NDOR1: variants seen among roughly 807,000 people sequenced by gnomAD.
The protein encoded by NDOR1 is NADPH-dependent diflavin oxidoreductase 1.
NDOR1 carries 61 observed loss-of-function variants against 67.2 expected under a neutral mutation model. That is an observed-to-expected ratio of 0.91 (90% CI 0.74 to 1.12). NDOR1 has a LOEUF of 1.12. Ranked by LOEUF, NDOR1 falls within the 50% of genes most tolerant of loss-of-function variation. The pLI is 0.00. For synonymous variants in NDOR1, 378 were observed against 343.7 expected (o/e 1.10, Z -1.10); for missense variants, 878 against 802.8 (o/e 1.09, Z -1.13).
Position 137,218,040 on chromosome 9 carries a change from G to A in NDOR1, c.*1624G>A. The A allele has an allele frequency of 2.5e-6, 1 of 399,504 alleles. No individual in the cohort carries two copies. Among genetic ancestry groups the A allele is most frequent in the African/African-American group, 2.1e-5 (1 of 48,762 alleles). The allele number at this position is 399,504 out of a possible 1,614,324, so 24.7% of individuals were successfully genotyped here. A position where few individuals can be genotyped will look rare whatever the true frequency, so the allele number is the denominator to read the frequency against. ...CTTCCAACCTGGAAGGAGGAGGGGA[G>A]AGAGCAGGCAGCAGGGCAGGGGGAA... On this transcript the variant is annotated 3_prime_UTR_variant, in exon 14 of 14. Coordinates refer to ENST00000684003, the MANE Select transcript of NDOR1 (RefSeq NM_014434.4).
intron 1 of NDOR1, 69 bp downstream of exon 1, chr9:137,205,981 G>T: frequency 6.7e-7 from 1 of 1,495,120 alleles, no homozygotes; most frequent in Non-Finnish European, 8.9e-7. Context: ...CGGGGTCATC[G>T]ACCCAAAAGG....
At position 137,212,321 on chromosome 9, in the gene NDOR1, C is replaced by T. The variant is rs1157749841; in HGVS notation, c.214-181C>T. The stretch of plus-strand genomic sequence containing the variant: ...CTAGACGCTGGACCAGCCCTGCCTC[C>T]TCCCGGTGCCCATCATCCTGCAGGC... On this transcript the variant is annotated intron_variant, in intron 2 of 13. Coordinates refer to ENST00000684003, the MANE Select transcript of NDOR1 (RefSeq NM_014434.4). This position sits in a 1 kb window ranked among gnomAD's most constrained non-coding sequence, Gnocchi z 4.3. 1.3e-5 allele frequency among the ~76,000 whole-genome samples: 2 copies of T among 152,158 alleles called. No individual in the cohort carries two copies. The highest frequency in any genetic ancestry group is 1.3e-4 in the Admixed American group (2 of 15,290).
chr9:137,213,341 C>T (rs1835353890), intron 3 of NDOR1, among the ~76,000 whole-genome samples: 1 of 152,188 alleles, frequency 6.6e-6, no homozygotes, highest in African/African-American at 2.4e-5. Flanking sequence ...GCCAGTCATG[C>T]CTCGGAACCA....
chr9:137,206,687 C>A (rs1455824058), intron 2 of NDOR1, among the ~76,000 whole-genome samples: 1 of 152,092 alleles, frequency 6.6e-6, no homozygotes, highest in Non-Finnish European at 1.5e-5. Context: ...CAGCTGTGAA[C>A]CCAGCAGCCA....
At chr9:137,209,248 T>C (rs1246168159) in intron 2 of NDOR1, among the ~76,000 whole-genome samples, 1 of 151,946 alleles carries the variant, frequency 6.6e-6, no homozygotes, top group Non-Finnish European at 1.5e-5. Flanking sequence ...TGAGTAGGTA[T>C]GGCAGGGGAT....
At position 137,213,645 on chromosome 9, in the gene NDOR1, G is replaced by A. The variant is rs915348083; in HGVS notation, c.312-135G>A. 1.3e-5 allele frequency: 11 copies of A among 866,846 alleles called. No homozygotes were observed. In the East Asian group the frequency reaches 2.8e-4, roughly 22 times the overall value. 53.7% of individuals were successfully genotyped at this position (866,846 alleles called of 1,614,324 possible). A position where few individuals can be genotyped will look rare whatever the true frequency, so the allele number is the denominator to read the frequency against. On this transcript the variant is annotated intron_variant, in intron 3 of 13. Coordinates refer to ENST00000684003, the MANE Select transcript of NDOR1 (RefSeq NM_014434.4). Reference sequence around the variant, plus strand: ...CCTCCTAGGGTGCGGCCAGCGTGGAGTGTGTTTTCCACCCGAGGGAGGCCC... The same window carrying A: ...CCTCCTAGGGTGCGGCCAGCGTGGAATGTGTTTTCCACCCGAGGGAGGCCC...
Position 137,205,809 on chromosome 9 carries a change from G to A in NDOR1, c.32G>A (p.Gly11Asp), listed in dbSNP as rs1180036889. 6.2e-7 allele frequency: 1 copy of A among 1,605,322 alleles called. No homozygotes were observed. The highest frequency in any genetic ancestry group is 8.5e-7 in the Non-Finnish European group (1 of 1,179,682). MPSPQLLVLFGSQTGTAQDVS... is the reference protein window; with the variant it reads MPSPQLLVLFDSQTGTAQDVS... Reference sequence around the variant, plus strand: ...AGCCCGCAGCTTCTGGTGCTCTTCGGCAGCCAGACAGGCACGGCTCAGGAT... The same window carrying A: ...AGCCCGCAGCTTCTGGTGCTCTTCGACAGCCAGACAGGCACGGCTCAGGAT... The change falls in exon 1 of 14, where the codon GGC (glycine) becomes GAC (aspartate). Residue 11 changes from glycine (G) to aspartate (D), a missense_variant. Transcript: ENST00000684003.
At chr9:137,209,270 TGGG>T (rs1271355639) in intron 2 of NDOR1, among the ~76,000 whole-genome samples, 2 of 151,632 alleles carry the variant, frequency 1.3e-5, no homozygotes, top group African/African-American at 4.8e-5. Flanking sequence ...TGCAGCGGCT[TGGG>T]GGAGAGCTGA....
Position 137,212,080 on chromosome 9 carries a change from A to C in NDOR1, c.214-422A>C, listed in dbSNP as rs537593354. 6.6e-6 allele frequency among the ~76,000 whole-genome samples: 1 copy of C among 151,908 alleles called. No homozygotes were observed. The highest frequency in any genetic ancestry group is 1.5e-5 in the Non-Finnish European group (1 of 67,942). On this transcript the variant is annotated intron_variant, in intron 2 of 13. Coordinates refer to ENST00000684003, the MANE Select transcript of NDOR1 (RefSeq NM_014434.4). This position sits in a 1 kb window ranked among gnomAD's most constrained non-coding sequence, Gnocchi z 4.3. ...GTATAGGAGCCTCTGGGACAGACCA[A>C]CTCAGGGAGTGGAGGCCCACGCTCT...
chr9:137,218,006 G>A lies in NDOR1; in HGVS notation c.*1590G>A, dbSNP rs567958932. Reference sequence around the variant, plus strand: ...GCTGGGGGCCAAAGCCATGGAGGGTGCCTGGGCCCTTCCAACCTGGAAGGA... The same window carrying A: ...GCTGGGGGCCAAAGCCATGGAGGGTACCTGGGCCCTTCCAACCTGGAAGGA... On this transcript the variant is annotated 3_prime_UTR_variant, in exon 14 of 14. Coordinates refer to ENST00000684003, the MANE Select transcript of NDOR1 (RefSeq NM_014434.4). The A allele has an allele frequency of 1.8e-4, 70 of 399,242 alleles. No homozygotes were observed. The highest frequency in any genetic ancestry group is 2.8e-4 in the Non-Finnish European group (64 of 226,514). 24.7% of individuals were successfully genotyped at this position (399,242 alleles called of 1,614,324 possible).
Position 137,205,852 on chromosome 9 carries a change from T to G in NDOR1, c.75T>G (p.Gly25=), listed in dbSNP as rs201019855. ...GTAQDVSERL[G]REARRRRLGC... Reference sequence around the variant, plus strand: ...CTCAGGATGTGTCGGAGAGACTGGGTCGCGAGGCCCGGCGCCGGCGGCTTG... The same window carrying G: ...CTCAGGATGTGTCGGAGAGACTGGGGCGCGAGGCCCGGCGCCGGCGGCTTG... Residue 25 remains glycine (G), a synonymous_variant, in exon 1 of 14, where the codon GGT becomes GGG. Coordinates refer to ENST00000684003, the MANE Select transcript of NDOR1 (RefSeq NM_014434.4). 28 of 1,602,974 alleles carry G rather than the reference T, an allele frequency of 1.7e-5. No individual in the cohort carries two copies. In the African/African-American group the frequency reaches 3.5e-4, roughly 20 times the overall value.
chr9:137,205,926 A>AG lies in NDOR1; in HGVS notation c.135+17dup. 6.3e-7 allele frequency: 1 copy of AG among 1,576,008 alleles called. No individual in the cohort carries two copies. The highest frequency in any genetic ancestry group is 1.3e-5 in the African/African-American group (1 of 74,274). ...TCCTACCCGGTGGTGAGGGCTCGCT[A>AG]GGGCCTCGGCGTGGGGGACGAGCAG... is the stretch of plus-strand genomic sequence containing the variant. On this transcript the variant is annotated intron_variant, in intron 1 of 13. Coordinates refer to ENST00000684003, the MANE Select transcript of NDOR1 (RefSeq NM_014434.4).
At chr9:137,207,943 G>C (rs1435028152) in intron 2 of NDOR1, among the ~76,000 whole-genome samples, 2 of 151,914 alleles carry the variant, frequency 1.3e-5, no homozygotes, top group African/African-American at 2.4e-5. Context: ...AGGAGTTCGA[G>C]ACCAGCCTGG....
chr9:137,218,771 C>CT lies in NDOR1; in HGVS notation c.*2356dup. The CT allele has an allele frequency of 2.5e-6, 1 of 397,186 alleles. No individual in the cohort carries two copies. Among genetic ancestry groups the CT allele is most frequent in the Non-Finnish European group, 4.4e-6 (1 of 225,632 alleles). The allele number at this position is 397,186 out of a possible 1,614,324, so 24.6% of individuals were successfully genotyped here. A position where few individuals can be genotyped will look rare whatever the true frequency, so the allele number is the denominator to read the frequency against. On this transcript the variant is annotated 3_prime_UTR_variant, in exon 14 of 14. Transcript: ENST00000684003. ...CCCATTGCTGAACCCACAACCAGGG[C>CT]TACCCAGAGGCCTGACCCTGCCAGA...
In NDOR1 at chr9:137,205,712, G is replaced by A. The variant is rs569250575; in HGVS notation, c.-66G>A. ...GAAGGCGGAAGGCGGAGCGGTCCCTGCAACCCGGCCGGCGGGAACTGCCTT... is the reference window on the plus strand; with the variant it reads ...GAAGGCGGAAGGCGGAGCGGTCCCTACAACCCGGCCGGCGGGAACTGCCTT... On this transcript the variant is annotated 5_prime_UTR_variant, in exon 1 of 14. Transcript: ENST00000684003. The A allele has an allele frequency of 3.3e-4, 530 of 1,595,648 alleles. 2 individuals are homozygous for A. The highest frequency in any genetic ancestry group is 1.2e-3 in the Admixed American group (69 of 59,874).
At position 137,205,742 on chromosome 9, in the gene NDOR1, T is replaced by A. The variant is rs1216965883; in HGVS notation, c.-36T>A. ...CCGGCCGGCGGGAACTGCCTTCTAG[T>A]TTTTAGTCTCAGACCAGACCACCGG... On this transcript the variant is annotated 5_prime_UTR_variant, in exon 1 of 14. Transcript: ENST00000684003. 1.3e-6 allele frequency: 2 copies of A among 1,599,352 alleles called. No homozygotes were observed. The highest frequency in any genetic ancestry group is 1.7e-6 in the Non-Finnish European group (2 of 1,179,258).
Position 137,219,201 on chromosome 9 carries a change from G to A in NDOR1, c.*2785G>A, listed in dbSNP as rs1835778208. ...CAGGTGGGGGTTGGCGCTGGCCTGT[G>A]TTGCAGGGGACAAGGGCCCACCCAG... On this transcript the variant is annotated 3_prime_UTR_variant, in exon 14 of 14. Transcript: ENST00000684003. 6.6e-6 allele frequency: 1 copy of A among 152,332 alleles called. No individual in the cohort carries two copies. Among genetic ancestry groups the A allele is most frequent in the South Asian group, 2.1e-4 (1 of 4,838 alleles). 9.4% of individuals were successfully genotyped at this position (152,332 alleles called of 1,614,324 possible).
rs764795091 is a variant in NDOR1 at position 137,205,775 on chromosome 9, C to T, written c.-3C>T. 1 of 1,603,478 alleles carries T rather than the reference C, an allele frequency of 6.2e-7. No individual in the cohort carries two copies. On this transcript the variant is annotated 5_prime_UTR_variant, in exon 1 of 14. Coordinates refer to ENST00000684003, the MANE Select transcript of NDOR1 (RefSeq NM_014434.4). ...CTCAGACCAGACCACCGGGCGCACC[C>T]CGATGCCGAGCCCGCAGCTTCTGGT...
At position 137,211,533 on chromosome 9, in the gene NDOR1, C is replaced by G. The variant is rs976679476; in HGVS notation, c.214-969C>G. On this transcript the variant is annotated intron_variant, in intron 2 of 13. Coordinates refer to ENST00000684003, the MANE Select transcript of NDOR1 (RefSeq NM_014434.4). ...AGAATGTTCTCTCCAGAACCCTTTT[C>G]TCGGGAAGGAGGAAGTTCACCAAAC... Among the ~76,000 whole-genome samples, 4 of 152,188 alleles carry G rather than the reference C, an allele frequency of 2.6e-5. No individual in the cohort carries two copies. The East Asian group carries it at 7.8e-4, about 30-fold the overall frequency.
Sources: gnomAD v4.1 joint callset for allele counts (sites outside exome capture counted in the v4.1 genomes callset) on GRCh38, gnomAD v4.1.1 for gene constraint, Gnocchi (gnomAD v3.1) non-coding constraint, MANE v1.5 for transcripts, NCBI Gene and HGNC (gene_info 2026-07-23, HGNC 2026-07-21) for gene names.